Variants in CD300LG observed in about 807,000 individuals in gnomAD.
CD300LG encodes the protein CD300 molecule like family member g, also known as CMRF35-like molecule 9.
CD300LG carries 29 observed loss-of-function variants against 31.5 expected under a neutral mutation model. The ratio of observed to expected loss-of-function variants is 0.92; its 90% CI spans 0.68 to 1.25. The LOEUF (loss-of-function observed/expected upper bound fraction) is 1.25. CD300LG is among the 50% of genes most tolerant of loss of function. The pLI is 0.00. For missense variants in CD300LG, 396 were observed against 417.6 expected, an observed-to-expected ratio of 0.95 and a Z score of 0.45; for synonymous variants, 175 against 177.2, an observed-to-expected ratio of 0.99 and a Z score of 0.10.
intron 3 of CD300LG, among the ~76,000 whole-genome samples, chr17:43,853,585 A>G (rs2046421576): frequency 6.6e-6 from 1 of 152,000 alleles, no homozygotes; most frequent in Admixed American, 6.6e-5. Context: ...ACAGAAAGAG[A>G]CTGAACATCA....
In CD300LG at chr17:43,850,951, A is replaced by G. The variant is rs150713977; in HGVS notation, c.380-1961A>G. Among the ~76,000 whole-genome samples, 317 of 152,162 alleles carry G rather than the reference A, an allele frequency of 2.1e-3. 4 individuals carry two copies. In the East Asian group the frequency reaches 0.053, roughly 25 times the overall value. ...GGAGTTCAAGACCAGCCTGGCCAAA[A>G]TGGTGAAACCCCGTCTCTACTAAAA... On this transcript the variant is annotated intron_variant, in intron 2 of 6. Coordinates refer to ENST00000317310, the MANE Select transcript of CD300LG (RefSeq NM_145273.4).
At chr17:43,857,475 A>G (rs1329491411) in intron 6 of CD300LG, 2 of 1,535,654 alleles carry the variant, frequency 1.3e-6, no homozygotes, top group African/African-American at 1.4e-5. Flanking sequence ...ATCACAGAAC[A>G]TCAGAGCTGG....
At chr17:43,849,297 G>A in intron 2 of CD300LG, 1 of 313,324 alleles carries the variant, frequency 3.2e-6, no homozygotes, top group South Asian at 9.6e-5. Flanking sequence ...AACCATTGCT[G>A]CATTCCAGAC....
At chr17:43,848,413 A>T in intron 1 of CD300LG, 145 bp from the exon 2 acceptor site, 1 of 664,950 alleles carries the variant, frequency 1.5e-6, no homozygotes, top group Non-Finnish European at 2.6e-6. Context: ...CCAGCGTGGG[A>T]GGTTAGTAAT....
intron 6 of CD300LG, chr17:43,857,452 C>T: frequency 6.5e-7 from 1 of 1,537,030 alleles, no homozygotes; most frequent in Non-Finnish European, 8.7e-7. Flanking sequence ...TTCTTTCCAT[C>T]CCCCCTTTTA....
At chr17:43,847,370 CAG>C in intron 1 of CD300LG, 111 bp downstream of exon 1, 2 of 1,217,848 alleles carry the variant, frequency 1.6e-6, no homozygotes, top group Non-Finnish European at 2.3e-6. Flanking sequence ...TCAGCCTCCT[CAG>C]CCCTAGGGGA....
chr17:43,849,748 C>T (rs573993852), intron 2 of CD300LG: 32 of 152,322 alleles, frequency 2.1e-4, no homozygotes, highest in African/African-American at 5.1e-4. Flanking sequence ...AAACACAAGT[C>T]GTTTCCAGCT....
At position 43,855,219 on chromosome 17, in the gene CD300LG, GA is replaced by G; in HGVS notation, c.733del (p.Met245TrpfsTer12). On this transcript the variant is annotated frameshift_variant, in exon 5 of 7. Transcript: ENST00000317310. LOFTEE classifies it high-confidence loss of function. ...GTCTCGTCTCCAGGGTGTCCATCCC[GA>G]TGGTCCGCATACTGGCCCCAGTCCT... ...GSSKPRVSIP[M>X]VRILAPVLVL... The G allele has an allele frequency of 6.2e-7, 1 of 1,606,104 alleles. No individual in the cohort carries two copies. Among genetic ancestry groups the G allele is most frequent in the Non-Finnish European group, 8.5e-7 (1 of 1,176,834 alleles).
chr17:43,849,331 C>T (rs2046282794), intron 2 of CD300LG: 1 of 238,968 alleles, frequency 4.2e-6, no homozygotes, highest in Non-Finnish European at 8.1e-6. Flanking sequence ...TCACCCTGGA[C>T]ATGCTGGCCT....
chr17:43,853,588 G>GTGGGC (rs2046421740), intron 3 of CD300LG, among the ~76,000 whole-genome samples: 1 of 152,156 alleles, frequency 6.6e-6, no homozygotes, highest in Non-Finnish European at 1.5e-5. Context: ...GAAAGAGACT[G>GTGGGC]AACATCATGC....
chr17:43,853,798 G>T lies in CD300LG; in HGVS notation c.482-9G>T. 2 of 1,610,238 alleles carry T rather than the reference G, an allele frequency of 1.2e-6. No homozygotes were observed. The highest frequency in any genetic ancestry group is 1.7e-6 in the Non-Finnish European group (2 of 1,177,294). ...GAAGGATGCTGAGGCATTGCTTTTG[G>T]ACTTGTAGCTTCTCCTGGGCTCTAC... On this transcript the variant is annotated splice_polypyrimidine_tract_variant and intron_variant, in intron 3 of 6. Transcript: ENST00000317310.
At chr17:43,853,112 C>T in intron 3 of CD300LG, 99 bp downstream of exon 3, 1 of 987,196 alleles carries the variant, frequency 1.0e-6, no homozygotes, top group Non-Finnish European at 1.5e-6. Context: ...TTATGGCCAC[C>T]TAGGTGTCCC....
At chr17:43,849,983 G>A (rs1349022813) in intron 2 of CD300LG, 1 of 152,132 alleles carries the variant, frequency 6.6e-6, no homozygotes, top group Non-Finnish European at 1.5e-5. Context: ...TCTTATCAGT[G>A]TTCACATGTC....
rs1457157462 is a variant in CD300LG, at chr17:43,857,992, G to A, written c.885+836G>A. On this transcript the variant is annotated intron_variant, in intron 6 of 6. Coordinates refer to ENST00000317310, the MANE Select transcript of CD300LG (RefSeq NM_145273.4). The stretch of plus-strand genomic sequence containing the variant: ...TGCCCTCCGAGGCCAGCACTCCAAC[G>A]GAGGGGGCTGCAGCATCGCACTTCA... 4.3e-5 allele frequency: 64 copies of A among 1,494,014 alleles called. No homozygotes were observed. The South Asian group carries it at 7.2e-4, about 17-fold the overall frequency. 92.5% of individuals were successfully genotyped at this position (1,494,014 alleles called of 1,614,324 possible).
chr17:43,853,353 G>A (rs916561374), intron 3 of CD300LG, among the ~76,000 whole-genome samples: 4 of 152,190 alleles, frequency 2.6e-5, no homozygotes, highest in Non-Finnish European at 5.9e-5. Flanking sequence ...TGGTCTCATG[G>A]CTGCAGAAGG....
At chr17:43,853,085 G>A in intron 3 of CD300LG, 72 bp downstream of exon 3, 1 of 1,304,560 alleles carries the variant, frequency 7.7e-7, no homozygotes, top group Non-Finnish European at 1.1e-6. Context: ...TGCCTGCCTG[G>A]TACCAGACAC....
Position 43,863,614 on chromosome 17 carries a change from G to A in CD300LG, c.*1703G>A, listed in dbSNP as rs963856899. ...TTACAGACCTTTTTATAAATAAAAT[G>A]TTCATCAGCTGCATATTCCATCCTA... On this transcript the variant is annotated 3_prime_UTR_variant, in exon 7 of 7. Transcript: ENST00000317310. The A allele has an allele frequency of 1.3e-5, 2 of 152,046 alleles. No homozygotes were observed. Among genetic ancestry groups the A allele is most frequent in the East Asian group, 1.9e-4 (1 of 5,176 alleles). 9.4% of individuals were successfully genotyped at this position (152,046 alleles called of 1,614,324 possible).
chr17:43,854,227 G>C (rs1234429932), intron 4 of CD300LG, among the ~76,000 whole-genome samples, 183 bp downstream of exon 4: 1 of 152,244 alleles, frequency 6.6e-6, no homozygotes, highest in Admixed American at 6.5e-5. Context: ...TACTATAGGA[G>C]CCAGCAGCTC....
At chr17:43,855,364 A>G (rs757368047) in intron 5 of CD300LG, 45 bp downstream of exon 5, 26 of 1,248,448 alleles carry the variant, frequency 2.1e-5, no homozygotes, top group African/African-American at 1.5e-5. Flanking sequence ...TCACTGGGCC[A>G]GGGACCTCAC....
Sources: allele counts gnomAD v4.1 joint callset (sites outside exome capture counted in the v4.1 genomes callset), GRCh38; gene constraint gnomAD v4.1.1; transcripts MANE v1.5; gene names NCBI Gene and HGNC (gene_info 2026-07-23, HGNC 2026-07-21).